Variants in NRXN3 observed in about 807,000 individuals in gnomAD.
NRXN3 encodes the protein neurexin III.
A neutral mutation model predicts 137.6 loss-of-function variants in NRXN3; 32 were observed. The observed-to-expected ratio is 0.23, with a 90% CI of 0.18 to 0.31. NRXN3 has a LOEUF of 0.31. Ranked by LOEUF, NRXN3 falls within the 10% of genes least tolerant of loss-of-function variation. The pLI is 1.00. For missense variants in NRXN3, 1,574 were observed against 2,062.5 expected, an observed-to-expected ratio of 0.76 and a Z score of 4.59; for synonymous variants, 798 against 784.5, an observed-to-expected ratio of 1.02 and a Z score of -0.29.
intron 4 of NRXN3, among the ~76,000 whole-genome samples, chr14:78,330,729 C>T (rs1280165224): frequency 6.6e-6 from 1 of 152,024 alleles, no homozygotes; most frequent in Non-Finnish European, 1.5e-5. Flanking sequence ...TTAGCCAACC[C>T]CTTAATGGGC....
intron 15 of NRXN3, among the ~76,000 whole-genome samples, chr14:79,173,868 G>T (rs548644927): frequency 6.6e-6 from 1 of 152,138 alleles, no homozygotes; most frequent in East Asian, 1.9e-4. Flanking sequence ...CCACCTTAAG[G>T]CAGGAAATAA....
intron 4 of NRXN3, among the ~76,000 whole-genome samples, chr14:78,631,467 TA>T (rs2097522556): frequency 6.6e-6 from 1 of 152,188 alleles, no homozygotes; most frequent in South Asian, 2.1e-4. Context: ...ACTCGTGGAT[TA>T]AAAAAATCAT....
Position 78,810,334 on chromosome 14 carries a change from C to G in NRXN3, c.2265C>G (p.Asn755Lys). The change falls in exon 10 of 21, where the codon AAC becomes AAG. Residue 755 changes from asparagine to lysine, a missense_variant. Physicochemically the swap from Asn to Lys is moderately conservative, Grantham distance 94. Around this residue, in one of 5 missense-constraint regions of NRXN3, gnomAD observed 718 missense variants for 887.6 expected, o/e 0.81. Transcript: ENST00000335750. Reference protein sequence around the residue: ...LMVNLDCIRINCNSSKGPETL... With the variant: ...LMVNLDCIRIKCNSSKGPETL... ...CCCATCTAGACTGTATCAGGATAAA[C>G]TGTAACTCCAGTAAGTTTTCCCTCA... 6.8e-7 allele frequency: 1 copy of G among 1,471,056 alleles called. No homozygotes were observed. Among genetic ancestry groups the G allele is most frequent in the Non-Finnish European group, 9.1e-7 (1 of 1,098,670 alleles). The allele number at this position is 1,471,056 out of a possible 1,614,324, so 91.1% of individuals were successfully genotyped here. A position where few individuals can be genotyped will look rare whatever the true frequency, so the allele number is the denominator to read the frequency against.
chr14:78,378,119 A>G (rs1390628537), intron 4 of NRXN3, among the ~76,000 whole-genome samples: 3 of 152,232 alleles, frequency 2.0e-5, no homozygotes, highest in African/African-American at 7.2e-5. Context: ...GATTGATAGC[A>G]GGAAACTCTA....
chr14:78,752,126 C>T (rs765863577), intron 8 of NRXN3, among the ~76,000 whole-genome samples: 2 of 152,190 alleles, frequency 1.3e-5, no homozygotes, highest in Admixed American at 6.5e-5. Context: ...ATTTTGGGGC[C>T]AGGCGCGGTG....
chr14:78,392,650 T>C (rs759531403), intron 4 of NRXN3, among the ~76,000 whole-genome samples: 5 of 152,166 alleles, frequency 3.3e-5, no homozygotes, highest in Non-Finnish European at 7.3e-5. Context: ...TGAGATGATA[T>C]AAATCATCTA....
intron 1 of NRXN3, among the ~76,000 whole-genome samples, chr14:78,191,516 G>C (rs978726357): frequency 1.6e-4 from 25 of 152,156 alleles, no homozygotes; most frequent in African/African-American, 6.0e-4. Flanking sequence ...TTCCCAGGGA[G>C]GACCCCTGCA....
At chr14:79,130,361 T>G (rs1263379135) in intron 15 of NRXN3, among the ~76,000 whole-genome samples, 3 of 152,176 alleles carry the variant, frequency 2.0e-5, no homozygotes, top group Non-Finnish European at 1.5e-5. Flanking sequence ...GGAGCTCTTT[T>G]AGGGCAGGCC....
chr14:78,505,981 G>A (rs185187376), intron 4 of NRXN3, among the ~76,000 whole-genome samples: 234 of 152,020 alleles, frequency 1.5e-3, no homozygotes, highest in African/African-American at 5.3e-3. Flanking sequence ...TTTCTTTTTT[G>A]TGGGTAAGAC....
At chr14:78,758,361 C>T (rs2098678172) in intron 8 of NRXN3, among the ~76,000 whole-genome samples, 1 of 152,172 alleles carries the variant, frequency 6.6e-6, no homozygotes, top group African/African-American at 2.4e-5. Context: ...TTAAACCTTC[C>T]AGCCATGGCC....
At chr14:79,702,889 G>GTGTTTTACCACTAAAGTGTAT (rs72265309) in intron 19 of NRXN3, among the ~76,000 whole-genome samples, 1 of 150,586 alleles carries the variant, frequency 6.6e-6, no homozygotes, top group Admixed American at 6.6e-5. Context: ...TGAGAAACAA[G>GTGTTTTACCACTAAAGTGTAT]TCTTTTACCT....
chr14:78,319,646 G>A (rs745556045), intron 4 of NRXN3, among the ~76,000 whole-genome samples: 15 of 152,140 alleles, frequency 9.9e-5, no homozygotes, highest in South Asian at 8.3e-4. Flanking sequence ...TCCCAACAGC[G>A]ATGACAATAT....
chr14:78,387,029 C>T lies in NRXN3; in HGVS notation c.757+89169C>T, dbSNP rs549682403. On this transcript the variant is annotated intron_variant, in intron 4 of 20. Coordinates refer to ENST00000335750, the MANE Select transcript of NRXN3 (RefSeq NM_001330195.2). ...TCTCCTGACTCAAATGATCCACCCT[C>T]CTCGGCCTCCCAAAATGCTGGGATT... 3.3e-5 allele frequency among the ~76,000 whole-genome samples: 5 copies of T among 152,230 alleles called. No individual in the cohort carries two copies. The South Asian group carries it at 8.3e-4, about 25-fold the overall frequency.
chr14:79,020,697 A>G (rs898444011), intron 15 of NRXN3, among the ~76,000 whole-genome samples: 2 of 152,092 alleles, frequency 1.3e-5, no homozygotes, highest in African/African-American at 4.8e-5. Context: ...AGGAACATTT[A>G]AAAAACAAAG....
chr14:78,927,729 T>C (rs1339959282), intron 10 of NRXN3, among the ~76,000 whole-genome samples: 3 of 152,176 alleles, frequency 2.0e-5, no homozygotes, highest in Non-Finnish European at 2.9e-5. Context: ...CAGGATTACC[T>C]ATCTGAGAGA....
At chr14:79,417,631 A>T (rs1386572760) in intron 15 of NRXN3, among the ~76,000 whole-genome samples, 1 of 152,166 alleles carries the variant, frequency 6.6e-6, no homozygotes, top group Non-Finnish European at 1.5e-5. Context: ...TACTACAATA[A>T]TGATGCTTTC....
chr14:78,988,136 A>G lies in NRXN3; in HGVS notation c.3257A>G (p.Asn1086Ser), dbSNP rs1266903450. The G allele has an allele frequency of 1.1e-5, 17 of 1,613,792 alleles. No individual in the cohort carries two copies. The highest frequency in any genetic ancestry group is 1.4e-5 in the Non-Finnish European group (17 of 1,179,802). ...SMTSYSGNQC[N>S]DPGATYIFGK... ...ACCTCTTATTCTGGAAACCAGTGCA[A>G]TGATCGTAAGTACAACAACCTTTCA... The change falls in exon 15 of 21, where the codon AAT becomes AGT. Residue 1086 changes from asparagine (N) to serine (S), a missense_variant. Transcript: ENST00000335750.
intron 4 of NRXN3, among the ~76,000 whole-genome samples, chr14:78,373,496 A>G (rs901119839): frequency 1.3e-5 from 2 of 152,220 alleles, no homozygotes; most frequent in African/African-American, 4.8e-5. Flanking sequence ...AATCAGGGGT[A>G]AAGCCATGTG....
At chr14:79,613,033 A>G (rs2098120505) in intron 16 of NRXN3, among the ~76,000 whole-genome samples, 1 of 152,212 alleles carries the variant, frequency 6.6e-6, no homozygotes, top group African/African-American at 2.4e-5. Flanking sequence ...GTTGAGTGGC[A>G]GATACAGAAA....
Sources: allele counts gnomAD v4.1 joint callset (sites outside exome capture counted in the v4.1 genomes callset), GRCh38; gene constraint gnomAD v4.1.1; regional missense constraint gnomAD v4.1.1; transcripts MANE v1.5; gene names NCBI Gene and HGNC (gene_info 2026-07-23, HGNC 2026-07-21).